Variants in ZNF674 observed in about 807,000 individuals in gnomAD.
ZNF674 encodes the protein zinc finger protein 674.
Under a neutral mutation model 7.0 loss-of-function variants are expected in ZNF674, and 2 were observed. The ratio of observed to expected loss-of-function variants is 0.29; its 90% CI spans 0.12 to 0.90. The LOEUF (loss-of-function observed/expected upper bound fraction) is 0.90. Ranked by LOEUF, ZNF674 falls within the 40% of genes least tolerant of loss-of-function variation. The pLI is 0.57. For synonymous variants in ZNF674, 103 were observed against 145.2 expected, an observed-to-expected ratio of 0.71 and a Z score of 2.09; for missense variants, 297 against 415.5, an observed-to-expected ratio of 0.71 and a Z score of 2.48.
chrX:46,529,040 G>A (rs1244381328), intron 3 of ZNF674, 131 bp from the exon 4 acceptor site: 60 of 1,106,562 alleles, frequency 5.4e-5, no homozygotes, highest in Middle Eastern at 5.2e-4. Context: ...TTCAGTCTTC[G>A]CCGCCACCCT....
At chrX:46,504,251 G>A (rs902527072) in intron 5 of ZNF674, among the ~76,000 whole-genome samples, 1 of 111,759 alleles carries the variant, frequency 8.9e-6, no homozygotes, top group Non-Finnish European at 1.9e-5. Flanking sequence ...CGCTAGCACA[G>A]CAGTTAAAAT....
intron 3 of ZNF674, among the ~76,000 whole-genome samples, chrX:46,539,438 A>T (rs1380074982): frequency 1.8e-5 from 2 of 112,511 alleles, no homozygotes; most frequent in Non-Finnish European, 3.8e-5. Context: ...CTCACATCTG[A>T]CATACTCACA....
At chrX:46,501,662 A>G (rs747041865) in intron 5 of ZNF674, among the ~76,000 whole-genome samples, 19 of 102,356 alleles carry the variant, frequency 1.9e-4, no homozygotes, top group East Asian at 6.1e-4. Flanking sequence ...TTGTATATAT[A>G]TGTGTGTGTG....
Position 46,528,367 on chromosome X carries a change from G to A in ZNF674, c.221C>T (p.Pro74Leu), listed in dbSNP as rs774683519. 3.2e-5 allele frequency: 39 copies of A among 1,209,460 alleles called. No homozygotes were observed. Among genetic ancestry groups the A allele is most frequent in the Middle Eastern group, 2.3e-4 (1 of 4,372 alleles). ...GTCCTCACCTGCACAGGTCCGTACCGGGGTCCCTCCATCTGCCATCCAGGA... is the reference window on the plus strand; with the variant it reads ...GTCCTCACCTGCACAGGTCCGTACCAGGGTCCCTCCATCTGCCATCCAGGA... ...DESWMADGGT[P>L]VRTCAEVWEV... The change falls in exon 5 of 6, where the codon CCG becomes CTG. Residue 74 changes from proline to leucine, a missense_variant. Transcript: ENST00000683375.
At chrX:46,521,901 AAGAAT>A (rs1488406481) in intron 5 of ZNF674, among the ~76,000 whole-genome samples, 2 of 93,926 alleles carry the variant, frequency 2.1e-5, no homozygotes, top group Admixed American at 1.2e-4. Context: ...AAAAAAAGAA[AAGAAT>A]AGAATAGAAT....
chrX:46,528,836 T>C lies in ZNF674; in HGVS notation c.89A>G (p.Lys30Arg). 1 of 1,211,837 alleles carries C rather than the reference T, an allele frequency of 8.3e-7. No individual in the cohort carries two copies. Among genetic ancestry groups the C allele is most frequent in the South Asian group, 1.8e-5 (1 of 56,979 alleles). ...EEWQQLDSAQ[K>R]NLYRDVMLEN... is the part of the protein sequence containing the mutation. ...AAGCATGACATCCCTGTAGAGGTTC[T>C]TCTGGGCAGAGTCCAGTTGCTGCCA... The change falls in exon 4 of 6, where the codon AAG becomes AGG. Residue 30 changes from lysine (K) to arginine (R), a missense_variant. Physicochemically the swap from Lys to Arg is conservative, Grantham distance 26. Coordinates refer to ENST00000683375, the MANE Select transcript of ZNF674 (RefSeq NM_001190417.2).
intron 3 of ZNF674, among the ~76,000 whole-genome samples, chrX:46,540,479 T>C (rs899231554): frequency 2.7e-5 from 3 of 112,101 alleles, no homozygotes; most frequent in Non-Finnish European, 3.8e-5. Context: ...TAAGGGAAAC[T>C]GGTCTATAAT....
chrX:46,527,807 AC>A (rs1322741519), intron 5 of ZNF674: 2 of 120,151 alleles, frequency 1.7e-5, no homozygotes, highest in Non-Finnish European at 3.3e-5. Context: ...CATGGTGGGT[AC>A]CAGGCTGGGT....
chrX:46,518,348 A>G, intron 5 of ZNF674, among the ~76,000 whole-genome samples: 1 of 112,123 alleles, frequency 8.9e-6, no homozygotes, highest in East Asian at 2.8e-4. Context: ...AAAGATATCT[A>G]TACTGTTGTA....
At chrX:46,518,242 A>T (rs1163343584) in intron 5 of ZNF674, among the ~76,000 whole-genome samples, 2 of 111,589 alleles carry the variant, frequency 1.8e-5, no homozygotes, top group African/African-American at 6.5e-5. Flanking sequence ...TTTAAGATAT[A>T]TATGATAGTT....
rs377222456 is a variant in ZNF674 at position 46,499,896 on chromosome X, T to G, written c.1678A>C (p.Lys560Gln). 317 of 1,162,649 alleles carry G rather than the reference T, an allele frequency of 2.7e-4. No homozygotes were observed. The highest frequency in any genetic ancestry group is 3.4e-4 in the Non-Finnish European group (297 of 872,040). The change falls in exon 6 of 6, where the codon AAG (lysine) becomes CAG (glutamine). Residue 560 changes from lysine to glutamine, a missense_variant. By Grantham distance (53) the Lys-to-Gln change is moderately conservative. Coordinates refer to ENST00000683375, the MANE Select transcript of ZNF674 (RefSeq NM_001190417.2). Reference protein sequence around the residue: ...CRDCGKAFSGKSTLIKHQRSH... With the variant: ...CRDCGKAFSGQSTLIKHQRSH... ...CTCTGATGTTTAATGAGAGTTGACT[T>G]CCCACTGAATGCTTTCCCACAGTCT...
chrX:46,505,541 CG>C (rs1941517673), intron 5 of ZNF674, among the ~76,000 whole-genome samples: 1 of 111,541 alleles, frequency 9.0e-6, no homozygotes, highest in African/African-American at 3.3e-5. Context: ...GGGGCCGAGG[CG>C]GATGTATCAC....
chrX:46,519,234 A>ATAGC, intron 5 of ZNF674, among the ~76,000 whole-genome samples: 3 of 73,026 alleles, frequency 4.1e-5, no homozygotes, highest in African/African-American at 1.6e-4. Flanking sequence ...AGATAGATAG[A>ATAGC]TAGATAGATA....
rs201590425 is a variant in ZNF674 at position 46,528,771 on chromosome X, G to A, written c.142+12C>T. The A allele has an allele frequency of 9.5e-5, 115 of 1,209,584 alleles. No homozygotes were observed. Among genetic ancestry groups the A allele is most frequent in the Middle Eastern group, 4.6e-4 (2 of 4,339 alleles). ...GAGGCATTCTGCATCACCCTGTGGC[G>A]CGGTCCCTCACCCACGGACACCAGG... On this transcript the variant is annotated intron_variant, in intron 4 of 5. Transcript: ENST00000683375.
chrX:46,500,445 C>G lies in ZNF674; in HGVS notation c.1129G>C (p.Glu377Gln). The change falls in exon 6 of 6, where the codon GAG becomes CAG. Residue 377 changes from glutamate to glutamine, a missense_variant. By Grantham distance (29) the Glu-to-Gln change is conservative. Coordinates refer to ENST00000683375, the MANE Select transcript of ZNF674 (RefSeq NM_001190417.2). ...CATTTACTACACTCATAAATGTTCT[C>G]TTTTGTATGAGTTCTCCAATGTTTA... ...PTKHWRTHTKENIYECSKCGK... is the reference protein window; with the variant it reads ...PTKHWRTHTKQNIYECSKCGK... 1.7e-6 allele frequency: 2 copies of G among 1,211,603 alleles called. No homozygotes were observed. Among genetic ancestry groups the G allele is most frequent in the East Asian group, 3.0e-5 (1 of 33,858 alleles).
chrX:46,513,460 G>C (rs185492145), intron 5 of ZNF674, among the ~76,000 whole-genome samples: 212 of 111,626 alleles, frequency 1.9e-3, no homozygotes, highest in Middle Eastern at 9.2e-3. Flanking sequence ...GTGTGTACAC[G>C]AGTCTAAATC....
intron 3 of ZNF674, among the ~76,000 whole-genome samples, chrX:46,536,554 C>T (rs1247003023): frequency 9.7e-6 from 1 of 102,820 alleles, no homozygotes; most frequent in Non-Finnish European, 2.0e-5. Context: ...CGTGCCATTG[C>T]ACTCCAGCCT....
intron 5 of ZNF674, among the ~76,000 whole-genome samples, chrX:46,513,181 T>C (rs757517619): frequency 1.5e-4 from 17 of 110,870 alleles, no homozygotes; most frequent in Non-Finnish European, 2.8e-4. Flanking sequence ...GAGAATCACT[T>C]GAACCCGGGA....
At chrX:46,532,403 G>T (rs1356651385) in intron 3 of ZNF674, among the ~76,000 whole-genome samples, 1 of 111,696 alleles carries the variant, frequency 9.0e-6, no homozygotes, top group Non-Finnish European at 1.9e-5. Context: ...AAAAAACATA[G>T]TTCTTAGTTT....
Sources: allele counts gnomAD v4.1 joint callset (sites outside exome capture counted in the v4.1 genomes callset), GRCh38; gene constraint gnomAD v4.1.1; transcripts MANE v1.5; gene names NCBI Gene and HGNC (gene_info 2026-07-23, HGNC 2026-07-21).